The following SYNE3 variants were observed in gnomAD, a reference collection of about 807,000 sequenced individuals.
The protein encoded by SYNE3 is nesprin-3.
SYNE3 carries 100 observed loss-of-function variants against 111.2 expected under a neutral mutation model. The observed-to-expected ratio is 0.90, with a 90% confidence interval of 0.77 to 1.06. SYNE3 has a LOEUF of 1.06. Ranked by LOEUF, SYNE3 falls within the 50% of genes least tolerant of loss-of-function variation. The pLI is 0.00. For missense variants in SYNE3, 1,160 were observed against 1,240.3 expected, an observed-to-expected ratio of 0.94 and a Z score of 0.97; for synonymous variants, 547 against 533.9, an observed-to-expected ratio of 1.02 and a Z score of -0.34.
intron 1 of SYNE3, among the ~76,000 whole-genome samples, chr14:95,494,716 G>A (rs1232533321): frequency 6.6e-6 from 1 of 152,166 alleles, no homozygotes; most frequent in African/African-American, 2.4e-5. Context: ...GACCAAGCAG[G>A]GCCCTTGCAA....
intron 1 of SYNE3, among the ~76,000 whole-genome samples, chr14:95,506,071 A>G (rs1251364006): frequency 6.6e-6 from 1 of 152,212 alleles, no homozygotes; most frequent in Admixed American, 6.5e-5. Context: ...ACAAGTTAAA[A>G]AAATTTAAAA....
intron 15 of SYNE3, among the ~76,000 whole-genome samples, chr14:95,433,859 G>A (rs371859986): frequency 6.6e-6 from 1 of 152,212 alleles, no homozygotes; most frequent in Non-Finnish European, 1.5e-5. Flanking sequence ...ACTCCTGAGA[G>A]GTGGTGTGAT....
intron 17 of SYNE3, among the ~76,000 whole-genome samples, chr14:95,421,601 T>C (rs962786588): frequency 6.6e-6 from 1 of 152,204 alleles, no homozygotes; most frequent in Non-Finnish European, 1.5e-5. Context: ...ACGCATGCTA[T>C]GCATAAAGTG....
chr14:95,444,616 G>C lies in SYNE3; in HGVS notation c.1645C>G (p.Gln549Glu), dbSNP rs748678129. 1 of 1,597,570 alleles carries C rather than the reference G, an allele frequency of 6.3e-7. No homozygotes were observed. The highest frequency in any genetic ancestry group is 8.5e-7 in the Non-Finnish European group (1 of 1,170,372). ...AAAGCTGCTCCAAAGTCTTTGTGCT[G>C]AGCGAGCAGGCTCTGCAGAGACACA... ...RKSKLQSLLA[Q>E]HKDFGAAFEP... Residue 549 changes from glutamine to glutamate, a missense_variant, in exon 10 of 18, where the codon CAG becomes GAG. Coordinates refer to ENST00000682763, the MANE Select transcript of SYNE3 (RefSeq NM_152592.6).
At chr14:95,450,308 G>C (rs991229119) in intron 7 of SYNE3, 2 of 640,432 alleles carry the variant, frequency 3.1e-6, no homozygotes, top group East Asian at 5.6e-5. Context: ...ACTATGAAAA[G>C]GCATCAGCAG....
chr14:95,418,676 T>G (rs1204367199), intron 17 of SYNE3, among the ~76,000 whole-genome samples: 4 of 152,076 alleles, frequency 2.6e-5, no homozygotes, highest in African/African-American at 9.7e-5. Context: ...TGATCTCAGC[T>G]CACTGCACCC....
At chr14:95,436,713 C>G (rs879495324) in intron 15 of SYNE3, 107 bp downstream of exon 15, 21 of 1,319,598 alleles carry the variant, frequency 1.6e-5, no homozygotes, top group Non-Finnish European at 2.0e-5. Flanking sequence ...CAAGGGAGAA[C>G]AGCTCACAAA....
chr14:95,422,673 C>G (rs931194794), intron 17 of SYNE3, among the ~76,000 whole-genome samples: 2 of 152,186 alleles, frequency 1.3e-5, no homozygotes, highest in Admixed American at 1.3e-4. Context: ...AAAGATGCTT[C>G]CAGGCAGGCA....
chr14:95,434,920 C>T (rs374913231), intron 15 of SYNE3, among the ~76,000 whole-genome samples: 191 of 152,298 alleles, frequency 1.3e-3, no homozygotes, highest in African/African-American at 4.1e-3. Flanking sequence ...TCCCAAAGTG[C>T]GGGGATTACA....
intron 14 of SYNE3, chr14:95,438,200 C>T (rs1295965749): frequency 2.0e-5 from 3 of 152,222 alleles, no homozygotes; most frequent in African/African-American, 7.2e-5. Flanking sequence ...ACCTCAGGCC[C>T]CTGAGTAGCT....
chr14:95,484,501 C>T (rs1214018398), intron 1 of SYNE3, among the ~76,000 whole-genome samples: 2 of 152,200 alleles, frequency 1.3e-5, no homozygotes, highest in Admixed American at 6.5e-5. Flanking sequence ...AGGCAGGGCA[C>T]TGGCCATCTG....
Position 95,409,789 on chromosome 14 carries a change from C to G in SYNE3, c.*8037G>C. ...TTTTAAGTCCTCTTTGACTCTGGGC[C>G]TCTGCTGAAGCAGCCTGCAGGCACT... On this transcript the variant is annotated 3_prime_UTR_variant, in exon 18 of 18. Transcript: ENST00000682763. The G allele has an allele frequency of 4.5e-6, 1 of 223,956 alleles. No homozygotes were observed. The allele number at this position is 223,956 out of a possible 1,614,324, so 13.9% of individuals were successfully genotyped here. A position where few individuals can be genotyped will look rare whatever the true frequency, so the allele number is the denominator to read the frequency against.
chr14:95,440,016 C>T lies in SYNE3; in HGVS notation c.1971G>A (p.Leu657=). 2 of 1,612,288 alleles carry T rather than the reference C, an allele frequency of 1.2e-6. No individual in the cohort carries two copies. Among genetic ancestry groups the T allele is most frequent in the South Asian group, 1.1e-5 (1 of 91,090 alleles). ...CAACGATCCACTGCCGCAGCTCCAGCAGCTGGTGGCTGAAGGTGCAGTGCT... is the reference window on the plus strand; with the variant it reads ...CAACGATCCACTGCCGCAGCTCCAGTAGCTGGTGGCTGAAGGTGCAGTGCT... ...VQEHCTFSHQ[L]LELRQWIVVT... is the part of the protein sequence containing the mutation. Residue 657 remains leucine (L), a synonymous_variant, in exon 12 of 18, where the codon CTG becomes CTA. Transcript: ENST00000682763.
chr14:95,512,316 G>T (rs1194835157), intron 1 of SYNE3, among the ~76,000 whole-genome samples: 1 of 152,106 alleles, frequency 6.6e-6, no homozygotes, highest in African/African-American at 2.4e-5. Flanking sequence ...AATTTCATTT[G>T]TATTATGTAA....
At chr14:95,488,678 G>A (rs1889675306) in intron 1 of SYNE3, among the ~76,000 whole-genome samples, 1 of 135,464 alleles carries the variant, frequency 7.4e-6, no homozygotes, top group Non-Finnish European at 1.6e-5. Context: ...GAGGGGTGGG[G>A]TGGGGAGGGA....
Position 95,457,303 on chromosome 14 carries a change from C to T in SYNE3, c.663G>A (p.Glu221=), listed in dbSNP as rs1305322109. Residue 221 remains glutamate (E), a synonymous_variant, in exon 5 of 18, where the codon GAG becomes GAA. Transcript: ENST00000682763. ...RVDLLEQVAR[E]HEEYQAGVDE... is the part of the protein sequence containing the mutation. ...CCACACCTGCCTGGTACTCCTCATG[C>T]TCCCGGGCCACCTGCTCCAGCAGAT... The T allele has an allele frequency of 8.1e-6, 13 of 1,604,812 alleles. No homozygotes were observed. The highest frequency in any genetic ancestry group is 1.1e-5 in the Non-Finnish European group (13 of 1,174,974).
At position 95,410,246 on chromosome 14, in the gene SYNE3, C is replaced by T. The variant is rs954835650; in HGVS notation, c.*7580G>A. Reference sequence around the variant, plus strand: ...TCTCACACTGCAAGGATGATGCCTTCGAGTTCCACACAAGGAGCATACAGC... The same window carrying T: ...TCTCACACTGCAAGGATGATGCCTTTGAGTTCCACACAAGGAGCATACAGC... On this transcript the variant is annotated 3_prime_UTR_variant, in exon 18 of 18. Transcript: ENST00000682763. 8 of 152,220 alleles carry T rather than the reference C, an allele frequency of 5.3e-5. No homozygotes were observed. Among genetic ancestry groups the T allele is most frequent in the Non-Finnish European group, 1.0e-4 (7 of 68,060 alleles). The allele number at this position is 152,220 out of a possible 1,614,324, so 9.4% of individuals were successfully genotyped here. A position where few individuals can be genotyped will look rare whatever the true frequency, so the allele number is the denominator to read the frequency against.
Position 95,436,819 on chromosome 14 carries a change from C to A in SYNE3, c.2538+1G>T. The stretch of plus-strand genomic sequence containing the variant: ...TGAGGGACCTTTCCTGGGGAACAGA[C>A]CTGCAGCTTCGATTTTCTGGTCCTC... On this transcript the variant is annotated splice_donor_variant, in intron 15 of 17. Coordinates refer to ENST00000682763, the MANE Select transcript of SYNE3 (RefSeq NM_152592.6). LOFTEE classifies it high-confidence loss of function. 3 of 1,613,944 alleles carry A rather than the reference C, an allele frequency of 1.9e-6. No homozygotes were observed. Among genetic ancestry groups the A allele is most frequent in the Non-Finnish European group, 2.5e-6 (3 of 1,180,002 alleles).
intron 8 of SYNE3, chr14:95,449,688 G>C (rs1886939174): frequency 1.0e-6 from 1 of 984,134 alleles, no homozygotes; most frequent in Admixed American, 6.1e-5. Context: ...GGAGATGCTT[G>C]CGGGTGGGGA....
Sources: allele counts gnomAD v4.1 joint callset (sites outside exome capture counted in the v4.1 genomes callset), GRCh38; gene constraint gnomAD v4.1.1; transcripts MANE v1.5; gene names NCBI Gene and HGNC (gene_info 2026-07-23, HGNC 2026-07-21).